Variants in AUTS2 observed in about 807,000 individuals in gnomAD.
AUTS2 encodes activator of transcription and developmental regulator AUTS2.
Under a neutral mutation model 112.4 loss-of-function variants are expected in AUTS2, and 17 were observed. The observed-to-expected ratio is 0.15, with a 90% CI of 0.10 to 0.23. AUTS2 has a LOEUF of 0.23. AUTS2 is among the 10% of genes least tolerant of loss of function. AUTS2 has a pLI of 1.00. For missense variants in AUTS2, 1,510 were observed against 1,701.6 expected, an observed-to-expected ratio of 0.89 and a Z score of 1.98; for synonymous variants, 751 against 702.7, an observed-to-expected ratio of 1.07 and a Z score of -1.09.
chr7:69,807,420 G>A (rs1199531647), intron 1 of AUTS2, among the ~76,000 whole-genome samples: 1 of 152,134 alleles, frequency 6.6e-6, no homozygotes, highest in Non-Finnish European at 1.5e-5. Flanking sequence ...AGGAATTTCT[G>A]AGTGACTTAT....
intron 4 of AUTS2, among the ~76,000 whole-genome samples, chr7:70,402,792 G>A (rs1794379441): frequency 6.6e-6 from 1 of 152,078 alleles, no homozygotes; most frequent in South Asian, 2.1e-4. Context: ...CAAGAATTAA[G>A]GATGAAGGCA....
intron 5 of AUTS2, among the ~76,000 whole-genome samples, chr7:70,582,493 G>A (rs757221559): frequency 5.9e-5 from 9 of 152,090 alleles, no homozygotes; most frequent in Admixed American, 2.6e-4. Context: ...TTCCCACCAC[G>A]TTGCCCAAAG....
intron 2 of AUTS2, among the ~76,000 whole-genome samples, chr7:70,043,535 G>A (rs1004879587): frequency 9.5e-5 from 13 of 137,294 alleles, no homozygotes; most frequent in African/African-American, 3.3e-4. Flanking sequence ...CTCCCTCCTT[G>A]CCTCCTTCCC....
At chr7:69,775,556 A>G (rs189510184) in intron 1 of AUTS2, among the ~76,000 whole-genome samples, 116 of 152,132 alleles carry the variant, frequency 7.6e-4, no homozygotes, top group African/African-American at 2.6e-3. Context: ...CTTGACTTAG[A>G]TTGGTCTGGC....
At chr7:69,867,171 G>C (rs996767131) in intron 1 of AUTS2, among the ~76,000 whole-genome samples, 2 of 149,618 alleles carry the variant, frequency 1.3e-5, no homozygotes, top group Non-Finnish European at 3.0e-5. Flanking sequence ...GCCAGCTTAG[G>C]TGGTCTTTTC....
chr7:70,115,805 A>C (rs1377341459), intron 2 of AUTS2, among the ~76,000 whole-genome samples: 1 of 152,206 alleles, frequency 6.6e-6, no homozygotes, highest in Non-Finnish European at 1.5e-5. Flanking sequence ...AGCTTGAAAA[A>C]TGTGTCATAA....
chr7:70,607,524 G>A (rs1358942725), intron 5 of AUTS2, among the ~76,000 whole-genome samples: 1 of 152,110 alleles, frequency 6.6e-6, no homozygotes. Flanking sequence ...GGGAACTTTG[G>A]GAGATTAAAG....
intron 5 of AUTS2, among the ~76,000 whole-genome samples, chr7:70,457,174 A>G (rs1796774783): frequency 6.6e-6 from 1 of 152,178 alleles, no homozygotes; most frequent in Non-Finnish European, 1.5e-5. Context: ...CAGGCAGCTC[A>G]GTGTAGTGGA....
chr7:70,092,892 A>G (rs906796905), intron 2 of AUTS2, among the ~76,000 whole-genome samples: 4 of 152,126 alleles, frequency 2.6e-5, no homozygotes, highest in African/African-American at 9.7e-5. Flanking sequence ...GGGCAAGTAC[A>G]TTTGGCCATG....
chr7:70,153,738 A>C (rs1016275383), intron 4 of AUTS2, among the ~76,000 whole-genome samples: 1 of 152,224 alleles, frequency 6.6e-6, no homozygotes, highest in African/African-American at 2.4e-5. Flanking sequence ...ACAGCTACAC[A>C]CAAAACTTAC....
intron 5 of AUTS2, among the ~76,000 whole-genome samples, chr7:70,488,067 G>A (rs114893625): frequency 1.1e-3 from 174 of 152,326 alleles, no homozygotes; most frequent in African/African-American, 3.7e-3. Context: ...ACCGCCCTTC[G>A]AGGGGCTTCT....
chr7:70,093,721 CAA>C (rs1394094564), intron 2 of AUTS2, among the ~76,000 whole-genome samples: 1 of 152,116 alleles, frequency 6.6e-6, no homozygotes, highest in African/African-American at 2.4e-5. Context: ...GATTCTGTAT[CAA>C]AAAGAAATGA....
At chr7:69,973,118 CTT>C (rs1797922080) in intron 2 of AUTS2, among the ~76,000 whole-genome samples, 1 of 151,876 alleles carries the variant, frequency 6.6e-6, no homozygotes, top group Non-Finnish European at 1.5e-5. Context: ...TGTTTGATCT[CTT>C]TTATCATTTT....
chr7:70,054,144 A>G (rs982216988), intron 2 of AUTS2, among the ~76,000 whole-genome samples: 5 of 152,184 alleles, frequency 3.3e-5, no homozygotes, highest in African/African-American at 1.2e-4. Flanking sequence ...GTGTGATCCT[A>G]AGGAACTGAA....
chr7:69,689,055 G>A (rs773053054), intron 1 of AUTS2, among the ~76,000 whole-genome samples: 9 of 152,110 alleles, frequency 5.9e-5, no homozygotes, highest in Non-Finnish European at 8.8e-5. Flanking sequence ...AGATTAAGGC[G>A]AGTGTCTTGA....
At chr7:70,265,705 T>C (rs1484653327) in intron 4 of AUTS2, among the ~76,000 whole-genome samples, 2 of 152,204 alleles carry the variant, frequency 1.3e-5, no homozygotes, top group African/African-American at 2.4e-5. Flanking sequence ...AATTCTTGAC[T>C]GATTGGGACA....
At chr7:70,507,861 C>G (rs1033180633) in intron 5 of AUTS2, among the ~76,000 whole-genome samples, 1 of 152,096 alleles carries the variant, frequency 6.6e-6, no homozygotes. Flanking sequence ...AGATGGGGCA[C>G]CTGAAAAGTG....
intron 4 of AUTS2, among the ~76,000 whole-genome samples, chr7:70,253,313 G>T (rs1206746389): frequency 6.6e-6 from 1 of 152,104 alleles, no homozygotes; most frequent in African/African-American, 2.4e-5. Context: ...CTTTAACTCT[G>T]TTAGTACATA....
chr7:70,493,578 C>T (rs1032619450), intron 5 of AUTS2, among the ~76,000 whole-genome samples: 1 of 152,060 alleles, frequency 6.6e-6, no homozygotes, highest in Non-Finnish European at 1.5e-5. Flanking sequence ...AAAATACTAA[C>T]TTGCTCCCCC....
Sources: allele counts gnomAD v4.1 joint callset (sites outside exome capture counted in the v4.1 genomes callset), GRCh38; gene constraint gnomAD v4.1.1; transcripts MANE v1.5; gene names NCBI Gene and HGNC (gene_info 2026-07-23, HGNC 2026-07-21).